Variants in LSP1 observed in about 807,000 individuals in gnomAD.
LSP1 encodes lymphocyte-specific protein 1.
A neutral mutation model predicts 49.3 loss-of-function variants in LSP1; 32 were observed. The observed-to-expected ratio is 0.65, with a 90% confidence interval of 0.49 to 0.87. The LOEUF (loss-of-function observed/expected upper bound fraction) is 0.87. Among genes scored for constraint, LSP1 ranks in the 40% least tolerant of loss-of-function variants. The pLI is 0.00. For missense variants in LSP1, 428 were observed against 442.6 expected, an observed-to-expected ratio of 0.97 and a Z score of 0.30; for synonymous variants, 179 against 178.8, an observed-to-expected ratio of 1.00 and a Z score of -0.01.
At chr11:1,864,798 C>T (rs1200452506) in intron 1 of LSP1, among the ~76,000 whole-genome samples, 5 of 150,922 alleles carry the variant, frequency 3.3e-5, no homozygotes, top group African/African-American at 2.4e-5. Flanking sequence ...TGCCAGGAGC[C>T]GAAGGGAGGG....
intron 1 of LSP1, chr11:1,866,349 T>A: frequency 1.1e-6 from 1 of 873,226 alleles, no homozygotes; most frequent in Non-Finnish European, 1.7e-6. Context: ...GTGCTGAGAC[T>A]CTGAGAGGCC....
chr11:1,881,935 C>T (rs1198221193), intron 3 of LSP1, among the ~76,000 whole-genome samples: 2 of 152,168 alleles, frequency 1.3e-5, no homozygotes, highest in Non-Finnish European at 2.9e-5. Context: ...CAGGCAGCTG[C>T]GAGGCCAGGC....
Position 1,892,088 on chromosome 11 carries a change from G to T in LSP1, c.*329G>T, listed in dbSNP as rs1159174182. 1 of 152,142 alleles carries T rather than the reference G, an allele frequency of 6.6e-6. No individual in the cohort carries two copies. The highest frequency in any genetic ancestry group is 6.5e-5 in the Admixed American group (1 of 15,270). The allele number at this position is 152,142 out of a possible 1,614,324, so 9.4% of individuals were successfully genotyped here. Reference sequence around the variant, plus strand: ...GGAGAGGCCAAGTGCCTTCTAGGAAGTTAGGAGGTTGAGGCACAGCCTGTG... The same window carrying T: ...GGAGAGGCCAAGTGCCTTCTAGGAATTTAGGAGGTTGAGGCACAGCCTGTG... On this transcript the variant is annotated 3_prime_UTR_variant, in exon 11 of 11. Coordinates refer to ENST00000311604, the MANE Select transcript of LSP1 (RefSeq NM_002339.3).
intron 1 of LSP1, among the ~76,000 whole-genome samples, chr11:1,863,908 G>T (rs533773210): frequency 6.6e-6 from 1 of 152,134 alleles, no homozygotes; most frequent in African/African-American, 2.4e-5. Flanking sequence ...TGGCTGGGGG[G>T]TTGGGCCCAC....
At chr11:1,880,621 T>G (rs1446068269) in intron 2 of LSP1, 2 of 187,970 alleles carry the variant, frequency 1.1e-5, no homozygotes, top group East Asian at 1.3e-4. Context: ...CCTCCGCGGC[T>G]GGGCTGGGCT....
intron 1 of LSP1, among the ~76,000 whole-genome samples, chr11:1,873,215 T>G (rs941600730): frequency 1.3e-5 from 2 of 151,836 alleles, no homozygotes; most frequent in Non-Finnish European, 2.9e-5. Flanking sequence ...TGTCTCCCCT[T>G]GGCTGTGCCT....
At chr11:1,864,625 G>A (rs1847728183) in intron 1 of LSP1, among the ~76,000 whole-genome samples, 1 of 152,112 alleles carries the variant, frequency 6.6e-6, no homozygotes, top group Admixed American at 6.5e-5. Flanking sequence ...AGGTGGAAGA[G>A]ATGGAGGCGG....
Position 1,887,550 on chromosome 11 carries a change from G to A in LSP1, c.1007G>A (p.Gly336Asp). The stretch of plus-strand genomic sequence containing the variant: ...TATGAGAAGGTGCTTGTGGAAGGGG[G>A]CCCGGCTCCCTAGGCGTCCCATCTC... The part of the protein sequence containing the change: ...GKYEKVLVEG[G>D]PAP Residue 336 changes from glycine (G) to aspartate (D), a missense_variant, in exon 10 of 11, where the codon GGC becomes GAC. By Grantham distance (94) the Gly-to-Asp change is moderately conservative. Transcript: ENST00000311604. 4.3e-6 allele frequency: 7 copies of A among 1,613,776 alleles called. No individual in the cohort carries two copies. Among genetic ancestry groups the A allele is most frequent in the Non-Finnish European group, 5.9e-6 (7 of 1,179,918 alleles).
At position 1,884,457 on chromosome 11, in the gene LSP1, C is replaced by T; in HGVS notation, c.636-43C>T. On this transcript the variant is annotated intron_variant, in intron 6 of 10. Coordinates refer to ENST00000311604, the MANE Select transcript of LSP1 (RefSeq NM_002339.3). The surrounding 1 kb of genome is among the most constrained non-coding windows in gnomAD (Gnocchi z 4.1). The stretch of plus-strand genomic sequence containing the variant: ...AGAGGCTTGGGCAGGTTGGGAGAAG[C>T]CTTGTGGGAGACATGGGGCCTGACA... The T allele has an allele frequency of 6.2e-7, 1 of 1,604,316 alleles. No homozygotes were observed. Among genetic ancestry groups the T allele is most frequent in the Non-Finnish European group, 8.5e-7 (1 of 1,171,238 alleles).
intron 1 of LSP1, chr11:1,869,246 G>C: frequency 4.4e-6 from 1 of 229,826 alleles, no homozygotes; most frequent in Non-Finnish European, 8.8e-6. Flanking sequence ...GAGATTGAGG[G>C]CCGGGCCTGG....
At chr11:1,861,950 G>A (rs931471299) in intron 1 of LSP1, among the ~76,000 whole-genome samples, 1 of 151,720 alleles carries the variant, frequency 6.6e-6, no homozygotes, top group African/African-American at 2.4e-5. Flanking sequence ...TGGATGGATG[G>A]GTGGATGGAT....
chr11:1,867,222 A>G (rs1299957195), intron 1 of LSP1, among the ~76,000 whole-genome samples: 1 of 152,078 alleles, frequency 6.6e-6, no homozygotes, highest in South Asian at 2.1e-4. Flanking sequence ...GGGCAGCAAG[A>G]GTCCCTTGTC....
chr11:1,887,529 A>C lies in LSP1; in HGVS notation c.986A>C (p.Glu329Ala). Reference protein sequence around the residue: ...KFVATGHGKYEKVLVEGGPAP With the variant: ...KFVATGHGKYAKVLVEGGPAP Reference sequence around the variant, plus strand: ...GTGGCCACCGGGCATGGGAAGTATGAGAAGGTGCTTGTGGAAGGGGGCCCG... The same window carrying C: ...GTGGCCACCGGGCATGGGAAGTATGCGAAGGTGCTTGTGGAAGGGGGCCCG... The change falls in exon 10 of 11, where the codon GAG (glutamate) becomes GCG (alanine). Residue 329 changes from glutamate (E) to alanine (A), a missense_variant. Coordinates refer to ENST00000311604, the MANE Select transcript of LSP1 (RefSeq NM_002339.3). 6.2e-7 allele frequency: 1 copy of C among 1,613,604 alleles called. No individual in the cohort carries two copies. The highest frequency in any genetic ancestry group is 8.5e-7 in the Non-Finnish European group (1 of 1,179,900).
At chr11:1,863,191 C>G (rs986216747) in intron 1 of LSP1, 1 of 152,336 alleles carries the variant, frequency 6.6e-6, no homozygotes, top group Non-Finnish European at 1.5e-5. Context: ...CGACTGTTGC[C>G]GCCACCCCCG....
At chr11:1,877,343 G>A (rs936582083) in intron 1 of LSP1, among the ~76,000 whole-genome samples, 1 of 152,196 alleles carries the variant, frequency 6.6e-6, no homozygotes, top group Non-Finnish European at 1.5e-5. Flanking sequence ...CACGTCCTCA[G>A]GCTGCTGGGT....
At chr11:1,855,778 GA>G (rs1847473146) in intron 1 of LSP1, among the ~76,000 whole-genome samples, 1 of 152,204 alleles carries the variant, frequency 6.6e-6, no homozygotes, top group Non-Finnish European at 1.5e-5. Context: ...GGATTTCACA[GA>G]GCTGCCTTGT....
At chr11:1,861,650 A>AATGG (rs200911321) in intron 1 of LSP1, among the ~76,000 whole-genome samples, 2 of 146,982 alleles carry the variant, frequency 1.4e-5, no homozygotes, top group African/African-American at 2.6e-5. Context: ...TGGATAAGTG[A>AATGG]ATGGATGGAT....
At chr11:1,862,081 G>T (rs575274348) in intron 1 of LSP1, among the ~76,000 whole-genome samples, 2 of 151,908 alleles carry the variant, frequency 1.3e-5, no homozygotes, top group African/African-American at 4.8e-5. Flanking sequence ...ATGGACGGAT[G>T]CATGGATGAG....
At chr11:1,866,209 T>A (rs1050286998) in intron 1 of LSP1, among the ~76,000 whole-genome samples, 4 of 152,162 alleles carry the variant, frequency 2.6e-5, no homozygotes, top group Admixed American at 2.6e-4. Context: ...CCTTGCTTCT[T>A]CCTAACCTGG....
Sources: gnomAD v4.1 joint callset for allele counts (sites outside exome capture counted in the v4.1 genomes callset) on GRCh38, gnomAD v4.1.1 for gene constraint, Gnocchi (gnomAD v3.1) non-coding constraint, MANE v1.5 for transcripts, NCBI Gene and HGNC (gene_info 2026-07-23, HGNC 2026-07-21) for gene names.